Variants in KPNB1 observed in about 807,000 individuals in gnomAD.
The protein encoded by KPNB1 is karyopherin subunit beta 1.
In KPNB1, 7 loss-of-function variants were observed where a neutral mutation model predicts 113.0. That is an observed-to-expected ratio of 0.06 (90% CI 0.04 to 0.12). The LOEUF is 0.12. Ranked by LOEUF, KPNB1 falls within the 10% of genes least tolerant of loss-of-function variation. The probability of loss-of-function intolerance (pLI) is 1.00; values close to 1 mark genes in which losing one functional copy is unlikely to be tolerated. For synonymous variants in KPNB1, 363 were observed against 378.6 expected (o/e 0.96, Z 0.48); for missense variants, 400 against 1,054.8 (o/e 0.38, Z 8.60).
intron 21 of KPNB1, among the ~76,000 whole-genome samples, chr17:47,681,943 C>A (rs570419686): frequency 7.9e-5 from 12 of 152,128 alleles, no homozygotes; most frequent in African/African-American, 2.9e-4. Context: ...AGTGGCCCTC[C>A]TGCCTCAGCC....
At chr17:47,665,755 C>T (rs1033851989) in intron 9 of KPNB1, among the ~76,000 whole-genome samples, 1 of 152,110 alleles carries the variant, frequency 6.6e-6, no homozygotes, top group Non-Finnish European at 1.5e-5. Context: ...GGACCGTGTC[C>T]TGGTTGCTTT....
At chr17:47,675,361 G>GTTTTTTTTTGTT (rs2030569284) in intron 15 of KPNB1, among the ~76,000 whole-genome samples, 1 of 88,692 alleles carries the variant, frequency 1.1e-5, no homozygotes, top group Non-Finnish European at 2.3e-5. Flanking sequence ...CAGAGGTGTT[G>GTTTTTTTTTGTT]TTTTTTTTTT....
At chr17:47,652,110 C>T (rs1258876220) in intron 2 of KPNB1, among the ~76,000 whole-genome samples, 1 of 152,092 alleles carries the variant, frequency 6.6e-6, no homozygotes, top group East Asian at 1.9e-4. Flanking sequence ...GGATGAGGCT[C>T]CTAAGTTTGT....
intron 3 of KPNB1, among the ~76,000 whole-genome samples, chr17:47,653,203 T>G (rs1388749932): frequency 6.6e-6 from 1 of 152,098 alleles, no homozygotes; most frequent in African/African-American, 2.4e-5. Context: ...AATTAGGGAA[T>G]TTGTTAATAG....
intron 15 of KPNB1, among the ~76,000 whole-genome samples, chr17:47,675,965 G>T (rs2030604123): frequency 6.6e-6 from 1 of 152,210 alleles, no homozygotes; most frequent in African/African-American, 2.4e-5. Flanking sequence ...CTGAAGCCCA[G>T]TGCTGCTTTT....
At chr17:47,674,873 G>A in intron 15 of KPNB1, 91 bp downstream of exon 15, 5 of 1,356,334 alleles carry the variant, frequency 3.7e-6, no homozygotes, top group African/African-American at 1.4e-5. Flanking sequence ...CTGGAGTGCA[G>A]TGGCACGATC....
Position 47,680,029 on chromosome 17 carries a change from T to G in KPNB1, c.2363T>G (p.Met788Arg), listed in dbSNP as rs2030727539. The stretch of plus-strand genomic sequence containing the variant: ...TCTCTCTCTTTTATAGCGGATGTGA[T>G]GCTGGTACAACCCAGAGTAGAATTT... ...GDQENVHPDV[M>R]LVQPRVEFIL... Residue 788 changes from methionine (M) to arginine (R), a missense_variant, in exon 20 of 22, where the codon ATG becomes AGG. Transcript: ENST00000290158. 6.2e-7 allele frequency: 1 copy of G among 1,611,480 alleles called. No homozygotes were observed. The highest frequency in any genetic ancestry group is 8.5e-7 in the Non-Finnish European group (1 of 1,177,608).
chr17:47,664,010 T>G (rs1475892162), intron 7 of KPNB1, 149 bp from the exon 8 acceptor site: 3 of 508,876 alleles, frequency 5.9e-6, no homozygotes, highest in Non-Finnish European at 7.1e-6. Context: ...GAAAAGAAAA[T>G]CTTTCTTTTC....
chr17:47,656,691 T>C (rs187012990), intron 3 of KPNB1, among the ~76,000 whole-genome samples, 169 bp from the exon 4 acceptor site: 2 of 151,976 alleles, frequency 1.3e-5, no homozygotes, highest in African/African-American at 2.4e-5. Context: ...GAGGCTACAG[T>C]GAGCTGTGAT....
chr17:47,654,246 C>G (rs954854979), intron 3 of KPNB1, among the ~76,000 whole-genome samples: 1 of 152,042 alleles, frequency 6.6e-6, no homozygotes, highest in African/African-American at 2.4e-5. Context: ...GAAACCCTGT[C>G]TCTACTAAAA....
At chr17:47,657,117 C>A in intron 4 of KPNB1, 57 bp downstream of exon 4, 1 of 1,394,540 alleles carries the variant, frequency 7.2e-7, no homozygotes, top group Non-Finnish European at 1.0e-6. Flanking sequence ...CTAGCTGTGA[C>A]ATCAATGATA....
At chr17:47,678,983 G>C (rs1044340971) in intron 19 of KPNB1, among the ~76,000 whole-genome samples, 1 of 151,864 alleles carries the variant, frequency 6.6e-6, no homozygotes, top group Non-Finnish European at 1.5e-5. Flanking sequence ...GCAGTGGAGC[G>C]ATCACAGCTC....
chr17:47,657,678 G>A (rs190178676), intron 4 of KPNB1, among the ~76,000 whole-genome samples: 96 of 152,302 alleles, frequency 6.3e-4, no homozygotes, highest in African/African-American at 2.1e-3. Context: ...TGGAAAATAC[G>A]AACAGACTGC....
In KPNB1 at chr17:47,670,916, T is replaced by C. The variant is rs564852377; in HGVS notation, c.1547+84T>C. ...GTGTGGAGGATATCTAGCTTAATCA[T>C]AGAAGCATAATGAGACAGGACAAGA... On this transcript the variant is annotated intron_variant, in intron 12 of 21. Coordinates refer to ENST00000290158, the MANE Select transcript of KPNB1 (RefSeq NM_002265.6). 11 of 1,220,342 alleles carry C rather than the reference T, an allele frequency of 9.0e-6. No individual in the cohort carries two copies. The East Asian group carries it at 1.7e-4, about 19-fold the overall frequency. 75.6% of individuals were successfully genotyped at this position (1,220,342 alleles called of 1,614,324 possible). A position where few individuals can be genotyped will look rare whatever the true frequency, so the allele number is the denominator to read the frequency against.
At chr17:47,664,094 G>A (rs550847418) in intron 7 of KPNB1, 65 bp from the exon 8 acceptor site, 6 of 936,380 alleles carry the variant, frequency 6.4e-6, no homozygotes, top group South Asian at 4.4e-5. Flanking sequence ...GGTTAAAGCC[G>A]GGTTGGGGCA....
At chr17:47,672,952 C>G in intron 12 of KPNB1, 66 bp from the exon 13 acceptor site, 1 of 1,478,448 alleles carries the variant, frequency 6.8e-7, no homozygotes, top group Non-Finnish European at 9.1e-7. Context: ...TTTGGCAAGA[C>G]ATTGTCTATG....
chr17:47,651,391 G>C (rs1414683282), intron 2 of KPNB1: 1 of 978,786 alleles, frequency 1.0e-6, no homozygotes, highest in African/African-American at 1.8e-5. Context: ...TAGGAATTAA[G>C]TCTGAGTAAC....
intron 6 of KPNB1, among the ~76,000 whole-genome samples, chr17:47,661,794 T>C (rs1441891958): frequency 6.6e-6 from 1 of 152,058 alleles, no homozygotes; most frequent in African/African-American, 2.4e-5. Context: ...CTAAAAAATA[T>C]GTATACACAA....
At chr17:47,674,462 T>C (rs1471258680) in intron 14 of KPNB1, among the ~76,000 whole-genome samples, 176 bp from the exon 15 acceptor site, 13 of 152,146 alleles carry the variant, frequency 8.5e-5, no homozygotes, top group Admixed American at 8.5e-4. Context: ...ACAGGAGAAA[T>C]GTTAAAATGT....
Sources: gnomAD v4.1 joint callset for allele counts (sites outside exome capture counted in the v4.1 genomes callset) on GRCh38, gnomAD v4.1.1 for gene constraint, MANE v1.5 for transcripts, NCBI Gene and HGNC (gene_info 2026-07-23, HGNC 2026-07-21) for gene names.